The following TAFA2 variants were observed in gnomAD, a reference collection of about 807,000 sequenced individuals.
TAFA2 encodes the protein TAFA chemokine like family member 2.
Under a neutral mutation model 18.8 loss-of-function variants are expected in TAFA2, and 7 were observed. The observed-to-expected ratio is 0.37, with a 90% CI of 0.21 to 0.70. TAFA2 has a LOEUF of 0.70. TAFA2 is among the 30% of genes least tolerant of loss of function. The probability of loss-of-function intolerance (pLI) is 0.53; values close to 1 mark genes in which losing one functional copy is unlikely to be tolerated. For synonymous variants in TAFA2, 60 were observed against 54.2 expected (o/e 1.11, Z -0.47); for missense variants, 122 against 158.1 (o/e 0.77, Z 1.23).
At chr12:61,991,873 A>C (rs551910954) in intron 1 of TAFA2, among the ~76,000 whole-genome samples, 1 of 152,286 alleles carries the variant, frequency 6.6e-6, no homozygotes, top group East Asian at 1.9e-4. Context: ...ATACTCATCT[A>C]TTCAGCAGAA....
chr12:62,214,408 C>T (rs2062725945), intron 1 of TAFA2, among the ~76,000 whole-genome samples: 1 of 152,174 alleles, frequency 6.6e-6, no homozygotes. Flanking sequence ...CTTGCTCCTC[C>T]TTCCTTCTGC....
chr12:62,134,700 G>A (rs1003229825), intron 1 of TAFA2, among the ~76,000 whole-genome samples: 1 of 152,060 alleles, frequency 6.6e-6, no homozygotes, highest in Admixed American at 6.6e-5. Flanking sequence ...AAGGCAGGGA[G>A]CACGTCCATC....
At chr12:61,864,104 C>G (rs977269118) in intron 2 of TAFA2, among the ~76,000 whole-genome samples, 2 of 152,024 alleles carry the variant, frequency 1.3e-5, no homozygotes, top group Admixed American at 6.6e-5. Context: ...GACTTGGCTC[C>G]GCTTCCAAAA....
intron 1 of TAFA2, among the ~76,000 whole-genome samples, chr12:61,979,779 G>A (rs1056552869): frequency 2.6e-5 from 4 of 151,954 alleles, no homozygotes; most frequent in Non-Finnish European, 5.9e-5. Flanking sequence ...CCTCCCCAGT[G>A]GCAGATCCAT....
intron 1 of TAFA2, among the ~76,000 whole-genome samples, chr12:62,231,730 G>C (rs11174384): frequency 0.29 from 43,647 of 152,022 alleles, 6,684 homozygotes; most frequent in African/African-American, 0.39. Flanking sequence ...CCAAACAAAA[G>C]CAATCACTAT....
chr12:61,851,448 T>G (rs1364379457), intron 2 of TAFA2, among the ~76,000 whole-genome samples: 1 of 152,134 alleles, frequency 6.6e-6, no homozygotes, highest in Non-Finnish European at 1.5e-5. Flanking sequence ...GCACAAATCA[T>G]GCAGGGCTTT....
intron 1 of TAFA2, among the ~76,000 whole-genome samples, chr12:62,053,864 A>G (rs1385100420): frequency 1.3e-5 from 2 of 152,234 alleles, no homozygotes; most frequent in African/African-American, 2.4e-5. Context: ...ACATGAGATA[A>G]TATTTATAAT....
At chr12:62,119,571 A>T (rs565083978) in intron 1 of TAFA2, among the ~76,000 whole-genome samples, 2 of 152,192 alleles carry the variant, frequency 1.3e-5, no homozygotes, top group Non-Finnish European at 2.9e-5. Flanking sequence ...TCCTACTATG[A>T]CATAATTTGT....
intron 1 of TAFA2, among the ~76,000 whole-genome samples, chr12:61,897,196 T>C (rs745749990): frequency 6.6e-6 from 1 of 152,170 alleles, no homozygotes; most frequent in Non-Finnish European, 1.5e-5. Context: ...CCATGTAGAG[T>C]GGATGTGCAA....
intron 2 of TAFA2, among the ~76,000 whole-genome samples, chr12:61,863,705 C>T (rs1874223760): frequency 6.6e-6 from 1 of 152,198 alleles, no homozygotes; most frequent in Admixed American, 6.5e-5. Flanking sequence ...TGCTGATACA[C>T]TACCAAAATC....
Position 61,780,963 on chromosome 12 carries a change from C to T in TAFA2, c.107-25939G>A, listed in dbSNP as rs74560039. 6.2e-3 allele frequency among the ~76,000 whole-genome samples: 941 copies of T among 151,816 alleles called. 3 individuals carry two copies. The highest frequency in any genetic ancestry group is 0.022 in the African/African-American group (895 of 41,466). ...TCATAAAATCTAAATCAAATTTGCT[C>T]GAGTCAGACAACTGTAATTTCAGAA... is the stretch of plus-strand genomic sequence containing the variant. On this transcript the variant is annotated intron_variant, in intron 2 of 4. Coordinates refer to ENST00000416284, the MANE Select transcript of TAFA2 (RefSeq NM_178539.5).
chr12:61,836,752 TATATAC>T (rs1872942101), intron 2 of TAFA2, among the ~76,000 whole-genome samples: 1 of 144,166 alleles, frequency 6.9e-6, no homozygotes. Context: ...TATATATATA[TATATAC>T]ACACACACAC....
intron 1 of TAFA2, among the ~76,000 whole-genome samples, chr12:62,094,021 A>G (rs1012671876): frequency 1.3e-5 from 2 of 151,904 alleles, no homozygotes; most frequent in Non-Finnish European, 2.9e-5. Context: ...GCTACTGTGA[A>G]GGGTACCAAT....
chr12:61,953,418 A>C (rs142105804), intron 1 of TAFA2, among the ~76,000 whole-genome samples: 1 of 152,318 alleles, frequency 6.6e-6, no homozygotes, highest in Non-Finnish European at 1.5e-5. Context: ...AACTCAAAAA[A>C]TGGGGTAATT....
At chr12:61,864,278 G>C (rs1429153349) in intron 2 of TAFA2, among the ~76,000 whole-genome samples, 1 of 151,356 alleles carries the variant, frequency 6.6e-6, no homozygotes, top group South Asian at 2.1e-4. Flanking sequence ...ATGAGTGAAA[G>C]TCACCAGGAG....
At chr12:61,879,463 G>A in intron 1 of TAFA2, 2 of 692,456 alleles carry the variant, frequency 2.9e-6, no homozygotes, top group Non-Finnish European at 5.3e-6. Flanking sequence ...CTTCCAGGGT[G>A]GCCTGGGTGG....
At chr12:61,950,355 C>G (rs1160599457) in intron 1 of TAFA2, among the ~76,000 whole-genome samples, 1 of 152,136 alleles carries the variant, frequency 6.6e-6, no homozygotes, top group Non-Finnish European at 1.5e-5. Flanking sequence ...TTTTCCGTAG[C>G]TGCTGCACCA....
At chr12:62,018,222 C>T (rs1881002745) in intron 1 of TAFA2, among the ~76,000 whole-genome samples, 1 of 152,122 alleles carries the variant, frequency 6.6e-6, no homozygotes, top group African/African-American at 2.4e-5. Flanking sequence ...CAGGTAAACT[C>T]CATCAAACTA....
At chr12:61,912,443 G>A (rs1278268470) in intron 1 of TAFA2, among the ~76,000 whole-genome samples, 1 of 152,054 alleles carries the variant, frequency 6.6e-6, no homozygotes, top group Non-Finnish European at 1.5e-5. Context: ...TTTAAAACAT[G>A]CCTATTAGAA....
Sources: gnomAD v4.1 joint callset for allele counts (sites outside exome capture counted in the v4.1 genomes callset) on GRCh38, gnomAD v4.1.1 for gene constraint, MANE v1.5 for transcripts, NCBI Gene and HGNC (gene_info 2026-07-23, HGNC 2026-07-21) for gene names.